KIAA0232: variants seen among roughly 807,000 people sequenced by gnomAD.
KIAA0232 encodes the protein uncharacterized protein KIAA0232.
KIAA0232 carries 27 observed loss-of-function variants against 122.0 expected under a neutral mutation model. The observed-to-expected ratio is 0.22, with a 90% CI of 0.16 to 0.31. The LOEUF (loss-of-function observed/expected upper bound fraction) is 0.31, where lower values mean the gene tolerates loss of function less well. Among genes scored for constraint, KIAA0232 ranks in the 10% least tolerant of loss-of-function variants. The pLI is 1.00. For synonymous variants in KIAA0232, 613 were observed against 587.6 expected (o/e 1.04, Z -0.63); for missense variants, 1,551 against 1,634.2 (o/e 0.95, Z 0.88).
intron 4 of KIAA0232, among the ~76,000 whole-genome samples, chr4:6,846,463 T>G (rs1719972504): frequency 6.6e-6 from 1 of 152,120 alleles, no homozygotes; most frequent in South Asian, 2.1e-4. Context: ...AACCCTATTG[T>G]GGACTGAGCA....
At chr4:6,795,139 C>T (rs1262391419) in intron 1 of KIAA0232, among the ~76,000 whole-genome samples, 6 of 152,152 alleles carry the variant, frequency 3.9e-5, no homozygotes, top group Admixed American at 2.6e-4. Context: ...TGCATGATCT[C>T]GGCTTACTGC....
At chr4:6,791,172 G>C (rs1303210323) in intron 1 of KIAA0232, among the ~76,000 whole-genome samples, 1 of 151,220 alleles carries the variant, frequency 6.6e-6, no homozygotes, top group Non-Finnish European at 1.5e-5. Flanking sequence ...CGCCCGCCTT[G>C]GCCTCCCAAA....
chr4:6,829,016 C>T (rs922053075), intron 3 of KIAA0232, among the ~76,000 whole-genome samples: 10 of 151,736 alleles, frequency 6.6e-5, no homozygotes, highest in African/African-American at 2.2e-4. Flanking sequence ...GATTATGCAT[C>T]GACTTTAATG....
intron 1 of KIAA0232, among the ~76,000 whole-genome samples, chr4:6,799,781 G>A (rs1454644018): frequency 1.3e-5 from 2 of 151,762 alleles, no homozygotes; most frequent in South Asian, 2.1e-4. Context: ...TGCAACCTCC[G>A]CCTCCTGGGT....
chr4:6,827,047 A>G (rs1718723367), intron 3 of KIAA0232, among the ~76,000 whole-genome samples: 1 of 152,220 alleles, frequency 6.6e-6, no homozygotes, highest in Admixed American at 6.5e-5. Context: ...GGTTAGGGAA[A>G]ACATAACATG....
At chr4:6,857,673 A>C (rs1720633692) in intron 5 of KIAA0232, among the ~76,000 whole-genome samples, 1 of 152,230 alleles carries the variant, frequency 6.6e-6, no homozygotes, top group African/African-American at 2.4e-5. Context: ...GAATTACTTC[A>C]GGTTTGGAAG....
chr4:6,868,770 T>C (rs973731794), intron 7 of KIAA0232, among the ~76,000 whole-genome samples: 3 of 152,210 alleles, frequency 2.0e-5, no homozygotes, highest in African/African-American at 2.4e-5. Context: ...CTAAAAGTTA[T>C]AAATGAGTGG....
In KIAA0232 at chr4:6,863,341, A is replaced by G. The variant is rs1447543183; in HGVS notation, c.2959A>G (p.Arg987Gly). 3 of 1,614,204 alleles carry G rather than the reference A, an allele frequency of 1.9e-6. No individual in the cohort carries two copies. Among genetic ancestry groups the G allele is most frequent in the Non-Finnish European group, 2.5e-6 (3 of 1,180,022 alleles). The change falls in exon 7 of 10, where the codon AGG becomes GGG. Residue 987 changes from arginine (R) to glycine (G), a missense_variant. Physicochemically the swap from Arg to Gly is moderately radical, Grantham distance 125. Transcript: ENST00000307659. ...AGGAAACAGTTTTGCTCCTGGGCACAGGCAGTTATGGAAACCCTTCGTGTC... is the reference window on the plus strand; with the variant it reads ...AGGAAACAGTTTTGCTCCTGGGCACGGGCAGTTATGGAAACCCTTCGTGTC... ...TPGNSFAPGHRQLWKPFVSFE... is the reference protein window; with the variant it reads ...TPGNSFAPGHGQLWKPFVSFE...
intron 3 of KIAA0232, among the ~76,000 whole-genome samples, chr4:6,826,442 A>G (rs1718689279): frequency 6.6e-6 from 1 of 152,150 alleles, no homozygotes; most frequent in Non-Finnish European, 1.5e-5. Flanking sequence ...AAATGAGGAA[A>G]ATATTTCTCA....
rs2109134435 is a variant in KIAA0232 at position 6,841,340 on chromosome 4, AG to A, written c.232-726del. Among the ~76,000 whole-genome samples, 3 of 152,354 alleles carry A rather than the reference AG, an allele frequency of 2.0e-5. No individual in the cohort carries two copies. In the East Asian group the frequency reaches 5.8e-4, roughly 29 times the overall value. On this transcript the variant is annotated intron_variant, in intron 3 of 9. Transcript: ENST00000307659. ...ATCTCAAAATCTATTTGCCTACTTA[AG>A]TTAGCAAGGCGCTTTCATTAACTTT...
At position 6,862,822 on chromosome 4, in the gene KIAA0232, A is replaced by G. The variant is rs192944508; in HGVS notation, c.2440A>G (p.Ser814Gly). The change falls in exon 7 of 10, where the codon AGT becomes GGT. Residue 814 changes from serine to glycine, a missense_variant. Around this residue, in one of 5 missense-constraint regions of KIAA0232, gnomAD observed 1,108 missense variants for 1,154.8 expected, o/e 0.96. Transcript: ENST00000307659. ...NFETTQVCNE[S>G]PHGDGYSSGV... ...TGAAACTACACAAGTATGTAATGAA[A>G]GTCCACATGGAGATGGCTACAGCTC... The G allele has an allele frequency of 3.7e-5, 59 of 1,614,228 alleles. No individual in the cohort carries two copies. In the Admixed American group the frequency reaches 9.8e-4, roughly 27 times the overall value.
At chr4:6,825,245 C>T (rs1042643253) in intron 3 of KIAA0232, among the ~76,000 whole-genome samples, 10 of 152,062 alleles carry the variant, frequency 6.6e-5, no homozygotes, top group Admixed American at 2.0e-4. Context: ...TTGACTTTGC[C>T]GCTGAGTTTA....
chr4:6,849,936 G>T (rs1158294318), intron 4 of KIAA0232, among the ~76,000 whole-genome samples: 2 of 152,126 alleles, frequency 1.3e-5, no homozygotes, highest in African/African-American at 4.8e-5. Context: ...TAGGGTTGGT[G>T]GGGTAGAGTG....
chr4:6,787,739 T>TCCTC (rs1170474175), intron 1 of KIAA0232, among the ~76,000 whole-genome samples: 3 of 152,236 alleles, frequency 2.0e-5, no homozygotes, highest in Non-Finnish European at 4.4e-5. Flanking sequence ...TTCTGGTCTC[T>TCCTC]CCTCCTCTGT....
intron 4 of KIAA0232, among the ~76,000 whole-genome samples, chr4:6,844,539 G>A (rs1719853013): frequency 6.6e-6 from 1 of 151,712 alleles, no homozygotes; most frequent in South Asian, 2.1e-4. Context: ...GGGTTCAAGC[G>A]ATTCTCCTGC....
intron 8 of KIAA0232, among the ~76,000 whole-genome samples, chr4:6,875,165 A>G (rs1278419592): frequency 2.0e-5 from 3 of 152,202 alleles, no homozygotes; most frequent in African/African-American, 2.4e-5. Context: ...CAGCCGCCCT[A>G]GGGCAACCAC....
At chr4:6,845,437 C>G (rs1257187053) in intron 4 of KIAA0232, among the ~76,000 whole-genome samples, 2 of 152,086 alleles carry the variant, frequency 1.3e-5, no homozygotes, top group African/African-American at 2.4e-5. Context: ...CTCAAGACAT[C>G]CTCCCGCGTC....
chr4:6,825,303 C>T (rs569585898), intron 3 of KIAA0232, among the ~76,000 whole-genome samples: 3 of 152,274 alleles, frequency 2.0e-5, no homozygotes, highest in Admixed American at 6.5e-5. Context: ...AGAGTCCCAA[C>T]ACTTTGGGAG....
chr4:6,836,420 C>T (rs1206902134), intron 3 of KIAA0232, among the ~76,000 whole-genome samples: 1 of 149,126 alleles, frequency 6.7e-6, no homozygotes, highest in African/African-American at 2.5e-5. Context: ...CTAACACTTT[C>T]CCCCCATTTC....
Sources: allele counts gnomAD v4.1 joint callset (sites outside exome capture counted in the v4.1 genomes callset), GRCh38; gene constraint gnomAD v4.1.1; regional missense constraint gnomAD v4.1.1; transcripts MANE v1.5; gene names NCBI Gene and HGNC (gene_info 2026-07-23, HGNC 2026-07-21).